Variants in OTUD7A observed in about 807,000 individuals in gnomAD.
The protein encoded by OTUD7A is OTU deubiquitinase 7A.
In OTUD7A, 12 loss-of-function variants were observed where a neutral mutation model predicts 65.7. The ratio of observed to expected loss-of-function variants is 0.18; its 90% CI spans 0.12 to 0.30. The LOEUF is 0.30. Among genes scored for constraint, OTUD7A ranks in the 10% least tolerant of loss-of-function variants. The probability of loss-of-function intolerance (pLI) is 1.00; values close to 1 mark genes in which losing one functional copy is unlikely to be tolerated. For missense variants in OTUD7A, 1,148 were observed against 1,304.8 expected (o/e 0.88, Z 1.85); for synonymous variants, 641 against 586.3 (o/e 1.09, Z -1.35).
At chr15:31,807,041 G>A (rs965916218) in intron 1 of OTUD7A, among the ~76,000 whole-genome samples, 6 of 152,220 alleles carry the variant, frequency 3.9e-5, no homozygotes, top group Admixed American at 3.3e-4. Flanking sequence ...CCCATCTGGA[G>A]ATGTTGTAAG....
At chr15:31,753,702 TTATA>T (rs541921612) in intron 1 of OTUD7A, among the ~76,000 whole-genome samples, 229 of 11,168 alleles carry the variant, frequency 0.021, 10 homozygotes, top group African/African-American at 0.024. Flanking sequence ...TATATATATA[TTATA>T]TATATATATA....
At chr15:31,693,927 AG>A (rs1454759110) in intron 1 of OTUD7A, among the ~76,000 whole-genome samples, 5 of 152,236 alleles carry the variant, frequency 3.3e-5, no homozygotes, top group African/African-American at 9.6e-5. Flanking sequence ...GAAGATGAAA[AG>A]GGACCTCTGA....
At chr15:31,592,844 C>A (rs569176818) in intron 3 of OTUD7A, among the ~76,000 whole-genome samples, 1 of 125,580 alleles carries the variant, frequency 8.0e-6, no homozygotes, top group Admixed American at 8.8e-5. Context: ...CGTGCCCCTG[C>A]GCTCCAGCCT....
intron 1 of OTUD7A, among the ~76,000 whole-genome samples, chr15:31,786,185 C>T (rs1895670176): frequency 6.6e-6 from 1 of 152,312 alleles, no homozygotes; most frequent in Non-Finnish European, 1.5e-5. Context: ...CCTTGGACTT[C>T]TCAGCCTCCA....
At chr15:31,582,120 C>T (rs559315493) in intron 3 of OTUD7A, among the ~76,000 whole-genome samples, 2 of 152,214 alleles carry the variant, frequency 1.3e-5, no homozygotes, top group African/African-American at 4.8e-5. Context: ...CCACAAATCT[C>T]TAGTGCACGG....
intron 1 of OTUD7A, among the ~76,000 whole-genome samples, chr15:31,744,756 AGAT>A (rs1894433243): frequency 6.6e-6 from 1 of 152,160 alleles, no homozygotes; most frequent in African/African-American, 2.4e-5. Context: ...TGCTATTTGT[AGAT>A]GATATGAATG....
intron 3 of OTUD7A, among the ~76,000 whole-genome samples, chr15:31,570,734 C>CCAGGTGTGATGCCAGGCTGGG (rs1233527125): frequency 2.6e-5 from 4 of 152,140 alleles, no homozygotes; most frequent in African/African-American, 9.7e-5. Flanking sequence ...AGGCCCTGCA[C>CCAGGTGTGATGCCAGGCTGGG]CAGGTGTGAT....
intron 10 of OTUD7A, among the ~76,000 whole-genome samples, chr15:31,490,967 A>G (rs951035072): frequency 1.1e-4 from 17 of 152,220 alleles, no homozygotes; most frequent in African/African-American, 4.1e-4. Context: ...TTCCTGGGCT[A>G]TCATAACTAG....
At chr15:31,770,249 C>T (rs1283238271) in intron 1 of OTUD7A, among the ~76,000 whole-genome samples, 2 of 152,096 alleles carry the variant, frequency 1.3e-5, no homozygotes, top group Non-Finnish European at 2.9e-5. Context: ...GCTATCAAAA[C>T]TACAGACACC....
At chr15:31,635,107 C>A (rs978175149) in intron 3 of OTUD7A, among the ~76,000 whole-genome samples, 2 of 152,184 alleles carry the variant, frequency 1.3e-5, no homozygotes, top group African/African-American at 4.8e-5. Flanking sequence ...GGTTTGAGCC[C>A]CTCCAAGTCT....
chr15:31,643,666 T>C (rs567376582), intron 3 of OTUD7A, among the ~76,000 whole-genome samples: 1 of 152,358 alleles, frequency 6.6e-6, no homozygotes, highest in South Asian at 2.1e-4. Context: ...TCCTGCTACT[T>C]TGCATTCCTG....
At position 31,782,900 on chromosome 15, in the gene OTUD7A, T is replaced by C. The variant is rs528044882; in HGVS notation, c.-100+87607A>G. On this transcript the variant is annotated intron_variant, in intron 1 of 12. Transcript: ENST00000307050. ...CAACTGGGCAACTAGTAAACTGAAC[T>C]GGAGTTCAGCAGAAAGTTCTGAGCT... is the stretch of plus-strand genomic sequence containing the variant. Among the ~76,000 whole-genome samples the C allele has an allele frequency of 7.9e-5, 12 of 152,222 alleles. 1 individual carries two copies. The South Asian group carries it at 2.3e-3, about 29-fold the overall frequency.
chr15:31,810,124 G>C (rs1389474106), intron 1 of OTUD7A, among the ~76,000 whole-genome samples: 2 of 152,174 alleles, frequency 1.3e-5, no homozygotes, highest in Non-Finnish European at 2.9e-5. Flanking sequence ...AGCTGGAGAA[G>C]GGCAGCTTCG....
Position 31,659,723 on chromosome 15 carries a change from C to G in OTUD7A, c.-99-2646G>C, listed in dbSNP as rs187013893. Among the ~76,000 whole-genome samples the G allele has an allele frequency of 3.1e-3, 468 of 152,294 alleles. 1 individual carries two copies. The highest frequency in any genetic ancestry group is 5.5e-3 in the Non-Finnish European group (371 of 68,026). On this transcript the variant is annotated intron_variant, in intron 1 of 12. Transcript: ENST00000307050. The stretch of plus-strand genomic sequence containing the variant: ...GTGAACACCCATCACAGCCAGAGAG[C>G]CTGACCTCAGAGAGGGCCAGCGAGG...
At chr15:31,692,756 A>G (rs1293633093) in intron 1 of OTUD7A, among the ~76,000 whole-genome samples, 8 of 151,024 alleles carry the variant, frequency 5.3e-5, no homozygotes, top group African/African-American at 1.9e-4. Context: ...CTCAAATGCC[A>G]TGTTTGTCAC....
At chr15:31,495,884 G>A (rs1055427675) in intron 10 of OTUD7A, among the ~76,000 whole-genome samples, 1 of 152,056 alleles carries the variant, frequency 6.6e-6, no homozygotes, top group Non-Finnish European at 1.5e-5. Flanking sequence ...TGGGCAACAT[G>A]GAGAAACACC....
At chr15:31,600,267 GT>G (rs1890035349) in intron 3 of OTUD7A, among the ~76,000 whole-genome samples, 1 of 152,166 alleles carries the variant, frequency 6.6e-6, no homozygotes, top group Admixed American at 6.5e-5. Context: ...GAAAGGCCAG[GT>G]TACCCACAAA....
At chr15:31,524,485 G>A (rs555406795) in intron 8 of OTUD7A, among the ~76,000 whole-genome samples, 6 of 152,234 alleles carry the variant, frequency 3.9e-5, no homozygotes, top group Admixed American at 2.0e-4. Context: ...TTTGAAAGGA[G>A]GGGAGAGAGT....
intron 1 of OTUD7A, among the ~76,000 whole-genome samples, chr15:31,725,578 G>C (rs1893862284): frequency 6.6e-6 from 1 of 152,174 alleles, no homozygotes; most frequent in African/African-American, 2.4e-5. Context: ...TGACCAGAAG[G>C]ATAGACTGTG....
Sources: gnomAD v4.1 joint callset for allele counts (sites outside exome capture counted in the v4.1 genomes callset) on GRCh38, gnomAD v4.1.1 for gene constraint, MANE v1.5 for transcripts, NCBI Gene and HGNC (gene_info 2026-07-23, HGNC 2026-07-21) for gene names.